TMEM132D: variants seen among roughly 807,000 people sequenced by gnomAD.
The protein encoded by TMEM132D is transmembrane protein 132D.
A neutral mutation model predicts 62.3 loss-of-function variants in TMEM132D; 21 were observed. That is an observed-to-expected ratio of 0.34 (90% CI 0.24 to 0.49). TMEM132D has a LOEUF of 0.49. Among genes scored for constraint, TMEM132D ranks in the 20% least tolerant of loss-of-function variants. The probability of loss-of-function intolerance (pLI) is 0.99; values close to 1 mark genes in which losing one functional copy is unlikely to be tolerated. For missense variants in TMEM132D, 1,346 were observed against 1,402.8 expected, an observed-to-expected ratio of 0.96 and a Z score of 0.65; for synonymous variants, 621 against 575.6, an observed-to-expected ratio of 1.08 and a Z score of -1.13.
At chr12:129,175,920 G>A (rs1053406462) in intron 5 of TMEM132D, among the ~76,000 whole-genome samples, 1 of 152,196 alleles carries the variant, frequency 6.6e-6, no homozygotes, top group Non-Finnish European at 1.5e-5. Flanking sequence ...GAAGTAAAAT[G>A]TCTGGCAGAG....
intron 2 of TMEM132D, among the ~76,000 whole-genome samples, chr12:129,540,856 A>C (rs998097118): frequency 1.3e-5 from 2 of 152,170 alleles, no homozygotes; most frequent in African/African-American, 4.8e-5. Context: ...GCTGGGTCTC[A>C]AACTGGCTTC....
chr12:129,095,053 G>A (rs1472629757), intron 5 of TMEM132D, among the ~76,000 whole-genome samples: 3 of 151,132 alleles, frequency 2.0e-5, no homozygotes, highest in Non-Finnish European at 4.4e-5. Context: ...GAGGGGGGAA[G>A]GATAGCATTA....
chr12:129,071,972 A>G lies in TMEM132D; in HGVS notation c.*1903T>C, dbSNP rs1200580044. ...AAACAAGGTAGGTAAGCTTGCGGAC[A>G]GGAGCAGGTGACTTACTGGCTGCAG... is the stretch of plus-strand genomic sequence containing the variant. On this transcript the variant is annotated 3_prime_UTR_variant, in exon 9 of 9. Transcript: ENST00000422113. 1 of 152,238 alleles carries G rather than the reference A, an allele frequency of 6.6e-6. No individual in the cohort carries two copies. The highest frequency in any genetic ancestry group is 2.4e-5 in the African/African-American group (1 of 41,454). 9.4% of individuals were successfully genotyped at this position (152,238 alleles called of 1,614,324 possible).
intron 2 of TMEM132D, among the ~76,000 whole-genome samples, chr12:129,672,374 C>T (rs264498): frequency 0.31 from 47,861 of 152,146 alleles, 7,800 homozygotes; most frequent in Middle Eastern, 0.36. Context: ...GAGCCCAGCT[C>T]GTCACCTTTC....
chr12:129,765,824 G>T (rs1307410286), intron 1 of TMEM132D, among the ~76,000 whole-genome samples: 2 of 152,184 alleles, frequency 1.3e-5, no homozygotes, highest in Non-Finnish European at 2.9e-5. Flanking sequence ...ATCCACAGGA[G>T]AGTCATGATT....
intron 3 of TMEM132D, among the ~76,000 whole-genome samples, chr12:129,488,647 T>C (rs1371654598): frequency 2.0e-5 from 3 of 152,052 alleles, no homozygotes; most frequent in Non-Finnish European, 4.4e-5. Context: ...CACTCCAACC[T>C]GGGTGACACA....
chr12:129,220,822 T>G (rs1445777245), intron 4 of TMEM132D, among the ~76,000 whole-genome samples: 1 of 151,748 alleles, frequency 6.6e-6, no homozygotes, highest in Non-Finnish European at 1.5e-5. Context: ...TAAAGACAGA[T>G]GTCCAGATCA....
chr12:129,341,425 A>C (rs1869479075), intron 3 of TMEM132D, among the ~76,000 whole-genome samples: 1 of 152,158 alleles, frequency 6.6e-6, no homozygotes, highest in Admixed American at 6.5e-5. Context: ...CAAATAAAGC[A>C]ATGTCCAGGC....
Position 129,142,339 on chromosome 12 carries a change from C to T in TMEM132D, c.1444-57637G>A, listed in dbSNP as rs1017219289. The stretch of plus-strand genomic sequence containing the variant: ...GGATAAGATGAATAAGATCATATCC[C>T]CCAAAGAAATAAAAACAGAAATTAG... On this transcript the variant is annotated intron_variant, in intron 5 of 8. Transcript: ENST00000422113. Among the ~76,000 whole-genome samples, 6 of 152,188 alleles carry T rather than the reference C, an allele frequency of 3.9e-5. No homozygotes were observed. In the South Asian group the frequency reaches 1.2e-3, roughly 32 times the overall value.
chr12:129,662,381 G>A (rs1426780999), intron 2 of TMEM132D, among the ~76,000 whole-genome samples: 4 of 152,180 alleles, frequency 2.6e-5, no homozygotes, highest in Non-Finnish European at 5.9e-5. Context: ...AAGGAGTGGC[G>A]AGGTTCAAGC....
chr12:129,500,356 G>T (rs191246546), intron 3 of TMEM132D, among the ~76,000 whole-genome samples: 11 of 152,064 alleles, frequency 7.2e-5, no homozygotes, highest in African/African-American at 1.9e-4. Context: ...TACCCTGAGC[G>T]GGGAGGCAAT....
At chr12:129,558,959 T>C (rs1469977471) in intron 2 of TMEM132D, among the ~76,000 whole-genome samples, 1 of 152,236 alleles carries the variant, frequency 6.6e-6, no homozygotes, top group African/African-American at 2.4e-5. Flanking sequence ...TTTCAAGATC[T>C]GACAATATGA....
intron 3 of TMEM132D, among the ~76,000 whole-genome samples, chr12:129,362,981 A>G (rs1870294877): frequency 6.6e-6 from 1 of 152,238 alleles, no homozygotes; most frequent in African/African-American, 2.4e-5. Flanking sequence ...TTAGTTCTCA[A>G]GAATTTTTAA....
chr12:129,405,873 C>A (rs749724561), intron 3 of TMEM132D, among the ~76,000 whole-genome samples: 1 of 152,084 alleles, frequency 6.6e-6, no homozygotes, highest in Non-Finnish European at 1.5e-5. Flanking sequence ...ATGAAAGATA[C>A]CAGGTCTTTT....
intron 1 of TMEM132D, among the ~76,000 whole-genome samples, chr12:129,896,727 T>C (rs1455436192): frequency 1.3e-5 from 2 of 152,188 alleles, no homozygotes; most frequent in Non-Finnish European, 2.9e-5. Flanking sequence ...TTTATATACT[T>C]TACTTACTTC....
At chr12:129,475,937 G>A (rs556902605) in intron 3 of TMEM132D, among the ~76,000 whole-genome samples, 1 of 152,198 alleles carries the variant, frequency 6.6e-6, no homozygotes, top group Non-Finnish European at 1.5e-5. Flanking sequence ...TTAAAATTAT[G>A]CAGAAATACT....
rs1238941593 is a variant in TMEM132D, at chr12:129,071,855, C to T, written c.*2020G>A. 1 of 152,192 alleles carries T rather than the reference C, an allele frequency of 6.6e-6. No homozygotes were observed. The highest frequency in any genetic ancestry group is 1.5e-5 in the Non-Finnish European group (1 of 68,038). The allele number at this position is 152,192 out of a possible 1,614,324, so 9.4% of individuals were successfully genotyped here. A position where few individuals can be genotyped will look rare whatever the true frequency, so the allele number is the denominator to read the frequency against. On this transcript the variant is annotated 3_prime_UTR_variant, in exon 9 of 9. Transcript: ENST00000422113. ...GCAGCGGCTGCAGTATTCAACAGAA[C>T]ATGACACAGGTAAGAATGGAAAGAA...
chr12:129,649,601 T>C (rs1879868625), intron 2 of TMEM132D, among the ~76,000 whole-genome samples: 1 of 152,148 alleles, frequency 6.6e-6, no homozygotes, highest in Non-Finnish European at 1.5e-5. Flanking sequence ...TTTCTTACAT[T>C]TGCAAAATAT....
At chr12:129,386,914 CAACACT>C (rs1871121307) in intron 3 of TMEM132D, among the ~76,000 whole-genome samples, 1 of 151,558 alleles carries the variant, frequency 6.6e-6, no homozygotes, top group Admixed American at 6.6e-5. Context: ...ATGCCAACAC[CAACACT>C]AACACCAATG....
Sources: gnomAD v4.1 joint callset for allele counts (sites outside exome capture counted in the v4.1 genomes callset) on GRCh38, gnomAD v4.1.1 for gene constraint, MANE v1.5 for transcripts, NCBI Gene and HGNC (gene_info 2026-07-23, HGNC 2026-07-21) for gene names.